The following NPAS3 variants were observed in gnomAD, a reference collection of about 807,000 sequenced individuals.
NPAS3 encodes neuronal PAS domain-containing protein 3.
In NPAS3, 14 loss-of-function variants were observed where a neutral mutation model predicts 73.1. The ratio of observed to expected loss-of-function variants is 0.19; its 90% confidence interval spans 0.13 to 0.30. The LOEUF (loss-of-function observed/expected upper bound fraction) is 0.30, where lower values mean the gene tolerates loss of function less well. Ranked by LOEUF, NPAS3 falls within the 10% of genes least tolerant of loss-of-function variation. NPAS3 has a pLI of 1.00. For synonymous variants in NPAS3, 620 were observed against 541.5 expected, an observed-to-expected ratio of 1.14 and a Z score of -2.01; for missense variants, 1,096 against 1,250.0, an observed-to-expected ratio of 0.88 and a Z score of 1.86.
intron 3 of NPAS3, among the ~76,000 whole-genome samples, chr14:33,258,784 A>G (rs2048866348): frequency 6.6e-6 from 1 of 152,030 alleles, no homozygotes; most frequent in Non-Finnish European, 1.5e-5. Flanking sequence ...GGAGGAAAAT[A>G]CTCATTTTTA....
At chr14:33,090,668 T>A (rs573009217) in intron 2 of NPAS3, among the ~76,000 whole-genome samples, 1 of 152,208 alleles carries the variant, frequency 6.6e-6, no homozygotes, top group South Asian at 2.1e-4. Context: ...TCTACAGAAC[T>A]CTCCACTCCA....
chr14:33,752,060 T>C (rs542288057), intron 7 of NPAS3, among the ~76,000 whole-genome samples: 64 of 152,316 alleles, frequency 4.2e-4, no homozygotes, highest in African/African-American at 1.4e-3. Context: ...TATTCCTGGA[T>C]TGAATGATTA....
intron 3 of NPAS3, among the ~76,000 whole-genome samples, chr14:33,285,191 G>T (rs1003651054): frequency 1.3e-5 from 2 of 152,088 alleles, no homozygotes; most frequent in African/African-American, 4.8e-5. Context: ...AACTCAAATG[G>T]CATGAGGAAT....
chr14:33,576,392 C>T (rs939939843), intron 5 of NPAS3, among the ~76,000 whole-genome samples: 3 of 152,162 alleles, frequency 2.0e-5, no homozygotes, highest in Non-Finnish European at 4.4e-5. Flanking sequence ...TTTTTGGTGT[C>T]TGTCGCCTTG....
At chr14:33,700,513 A>G (rs1566441351) in intron 6 of NPAS3, among the ~76,000 whole-genome samples, 2 of 152,368 alleles carry the variant, frequency 1.3e-5, no homozygotes, top group Middle Eastern at 6.8e-3. Context: ...TTATTAACAC[A>G]TTCCTGCCCT....
intron 1 of NPAS3, among the ~76,000 whole-genome samples, chr14:32,964,197 T>C (rs897086993): frequency 6.8e-6 from 1 of 147,804 alleles, no homozygotes; most frequent in African/African-American, 2.5e-5. Flanking sequence ...AGAACATTAA[T>C]TAATTTAGTA....
chr14:33,787,782 T>C (rs867675199), intron 9 of NPAS3, among the ~76,000 whole-genome samples: 1 of 152,184 alleles, frequency 6.6e-6, no homozygotes, highest in Non-Finnish European at 1.5e-5. Context: ...ATGCAGTTTC[T>C]GGCTATAATT....
intron 1 of NPAS3, among the ~76,000 whole-genome samples, chr14:33,018,969 T>C (rs537720630): frequency 6.6e-6 from 1 of 152,346 alleles, no homozygotes; most frequent in Admixed American, 6.5e-5. Flanking sequence ...AAAAGCTACT[T>C]GATATGTATC....
chr14:33,100,321 C>T (rs963010260), intron 2 of NPAS3, among the ~76,000 whole-genome samples: 2 of 152,084 alleles, frequency 1.3e-5, no homozygotes, highest in Non-Finnish European at 2.9e-5. Context: ...AATTGAACCA[C>T]TTTTTGAAAA....
chr14:33,145,734 C>A (rs564791795), intron 2 of NPAS3, among the ~76,000 whole-genome samples: 23 of 152,214 alleles, frequency 1.5e-4, no homozygotes, highest in African/African-American at 5.5e-4. Flanking sequence ...TCGTTTCTTT[C>A]CTTACCATGC....
Position 33,330,580 on chromosome 14 carries a change from C to T in NPAS3, c.386-36606C>T, listed in dbSNP as rs1311006464. 1.3e-5 allele frequency among the ~76,000 whole-genome samples: 2 copies of T among 152,164 alleles called. 1 individual carries two copies. Among genetic ancestry groups the T allele is most frequent in the Non-Finnish European group, 2.9e-5 (2 of 68,036 alleles). ...ATTTGCAATATAATTATTTAGAAGG[C>T]TAACTCTATTCACTGTGTACTAAAT... On this transcript the variant is annotated intron_variant, in intron 3 of 11. Transcript: ENST00000356141.
At chr14:32,966,171 G>C (rs1261262642) in intron 1 of NPAS3, among the ~76,000 whole-genome samples, 1 of 152,112 alleles carries the variant, frequency 6.6e-6, no homozygotes, top group Non-Finnish European at 1.5e-5. Context: ...AAATACCAAT[G>C]AGATTCTTTA....
intron 4 of NPAS3, among the ~76,000 whole-genome samples, chr14:33,449,097 C>G (rs2049663891): frequency 6.6e-6 from 1 of 152,144 alleles, no homozygotes; most frequent in Non-Finnish European, 1.5e-5. Context: ...CTCAAGGGAG[C>G]AGGTAGAGGT....
At chr14:33,142,965 C>T (rs997530087) in intron 2 of NPAS3, among the ~76,000 whole-genome samples, 15 of 151,864 alleles carry the variant, frequency 9.9e-5, no homozygotes, top group African/African-American at 3.6e-4. Flanking sequence ...ATTAGGTGGG[C>T]ATGGTGACAG....
intron 1 of NPAS3, among the ~76,000 whole-genome samples, chr14:32,984,374 C>T (rs1595152040): frequency 6.6e-6 from 1 of 152,036 alleles, no homozygotes; most frequent in Non-Finnish European, 1.5e-5. Flanking sequence ...GGTGAAAATG[C>T]TCAAATAGGG....
chr14:33,565,906 C>A (rs768828880), intron 5 of NPAS3, among the ~76,000 whole-genome samples: 4 of 151,726 alleles, frequency 2.6e-5, no homozygotes, highest in Non-Finnish European at 5.9e-5. Flanking sequence ...TAAAAAAAAG[C>A]AGAAAAATAT....
rs558550028 is a variant in NPAS3 at position 33,557,328 on chromosome 14, G to A, written c.469-2793G>A. The stretch of plus-strand genomic sequence containing the variant: ...AATATTTCGCAGCAAAGGTGGCCAG[G>A]TAACCTCCTGTGGAAGTAACTTAAG... On this transcript the variant is annotated intron_variant, in intron 4 of 11. Transcript: ENST00000356141. 1.8e-3 allele frequency among the ~76,000 whole-genome samples: 275 copies of A among 152,246 alleles called. 2 individuals are homozygous for A. The highest frequency in any genetic ancestry group is 6.4e-3 in the African/African-American group (266 of 41,540).
At chr14:33,437,747 A>G (rs2049051586) in intron 4 of NPAS3, among the ~76,000 whole-genome samples, 1 of 152,240 alleles carries the variant, frequency 6.6e-6, no homozygotes, top group Non-Finnish European at 1.5e-5. Flanking sequence ...AATCGACATT[A>G]TGGACTAGTA....
intron 4 of NPAS3, among the ~76,000 whole-genome samples, chr14:33,552,335 AG>A (rs1412796878): frequency 6.6e-6 from 1 of 152,176 alleles, no homozygotes; most frequent in African/African-American, 2.4e-5. Flanking sequence ...ACCACATGTT[AG>A]TTAGGTGACA....
Sources: allele counts gnomAD v4.1 joint callset (sites outside exome capture counted in the v4.1 genomes callset), GRCh38; gene constraint gnomAD v4.1.1; transcripts MANE v1.5; gene names NCBI Gene and HGNC (gene_info 2026-07-23, HGNC 2026-07-21).